Variants in TMX3 observed in about 807,000 individuals in gnomAD.
TMX3 encodes the protein thioredoxin related transmembrane protein 3.
TMX3 carries 40 observed loss-of-function variants against 64.4 expected under a neutral mutation model. The observed-to-expected ratio is 0.62, with a 90% CI of 0.48 to 0.81. TMX3 has a LOEUF of 0.81. Among genes scored for constraint, TMX3 ranks in the 30% least tolerant of loss-of-function variants. The pLI is 0.00. For missense variants in TMX3, 497 were observed against 534.5 expected (o/e 0.93, Z 0.69); for synonymous variants, 189 against 175.7 (o/e 1.08, Z -0.60).
In TMX3 at chr18:68,715,080, C is replaced by T. The variant is rs970991565; in HGVS notation, c.-99G>A. On this transcript the variant is annotated 5_prime_UTR_variant, in exon 1 of 16. Transcript: ENST00000299608. ...CCCGGAAAGGGAAACGGAGCCGACCCGGAGCGGAAGAGAAGCACCGCGCTA... is the reference window on the plus strand; with the variant it reads ...CCCGGAAAGGGAAACGGAGCCGACCTGGAGCGGAAGAGAAGCACCGCGCTA... 6.5e-7 allele frequency: 1 copy of T among 1,539,332 alleles called. No individual in the cohort carries two copies. The highest frequency in any genetic ancestry group is 1.2e-5 in the South Asian group (1 of 82,992).
intron 8 of TMX3, among the ~76,000 whole-genome samples, chr18:68,696,179 A>G (rs1915053493): frequency 6.6e-6 from 1 of 152,004 alleles, no homozygotes; most frequent in South Asian, 2.1e-4. Flanking sequence ...TATGATTATT[A>G]CTATTATCAT....
At chr18:68,686,790 T>C (rs977065002) in intron 10 of TMX3, 1 of 985,066 alleles carries the variant, frequency 1.0e-6, no homozygotes, top group African/African-American at 1.7e-5. Flanking sequence ...CACAGCTCCT[T>C]CTGTAAAGAT....
chr18:68,689,791 A>T (rs1412867972), intron 9 of TMX3: 1 of 152,222 alleles, frequency 6.6e-6, no homozygotes, highest in Non-Finnish European at 1.5e-5. Context: ...CTGAATAAGC[A>T]TATGATAAAC....
intron 4 of TMX3, among the ~76,000 whole-genome samples, chr18:68,706,732 A>AT (rs1447142259): frequency 6.6e-6 from 1 of 152,142 alleles, no homozygotes; most frequent in Non-Finnish European, 1.5e-5. Context: ...AAGTAATTCC[A>AT]TTTTTTACCT....
chr18:68,680,587 T>A (rs1913321695), intron 14 of TMX3, among the ~76,000 whole-genome samples: 1 of 152,114 alleles, frequency 6.6e-6, no homozygotes, highest in Non-Finnish European at 1.5e-5. Context: ...CCTAACGACT[T>A]AATCCAATTG....
At chr18:68,704,198 C>T (rs309254) in intron 4 of TMX3, among the ~76,000 whole-genome samples, 9,094 of 152,206 alleles carry the variant, frequency 0.06, 836 homozygotes, top group African/African-American at 0.2. Flanking sequence ...CCTTTCTACT[C>T]TTGATCCTGA....
At chr18:68,700,122 C>T (rs1012115302) in intron 6 of TMX3, among the ~76,000 whole-genome samples, 3 of 151,922 alleles carry the variant, frequency 2.0e-5, no homozygotes, top group Non-Finnish European at 2.9e-5. Flanking sequence ...TACACGTAAT[C>T]GAAATCTGGA....
intron 4 of TMX3, among the ~76,000 whole-genome samples, chr18:68,708,009 G>A (rs983146677): frequency 7.0e-6 from 1 of 142,428 alleles, no homozygotes; most frequent in East Asian, 2.0e-4. Context: ...ATATATATGT[G>A]TATATGTGTA....
intron 5 of TMX3, 116 bp from the exon 6 acceptor site, chr18:68,700,601 A>C: frequency 9.9e-7 from 1 of 1,007,744 alleles, no homozygotes; most frequent in Non-Finnish European, 1.3e-6. Context: ...AATGCAGAGA[A>C]GTTTTAGAAG....
chr18:68,679,715 T>G (rs899150207), intron 14 of TMX3, 184 bp from the exon 15 acceptor site: 6 of 536,038 alleles, frequency 1.1e-5, no homozygotes, highest in African/African-American at 2.0e-5. Context: ...GCATTCCTCC[T>G]GCCTGCTTGT....
At chr18:68,697,852 T>C (rs1915250323) in intron 7 of TMX3, 80 bp downstream of exon 7, 1 of 855,038 alleles carries the variant, frequency 1.2e-6, no homozygotes, top group Admixed American at 2.2e-5. Context: ...TAATAAGTTC[T>C]GCGTTTCTAG....
chr18:68,687,204 C>G, intron 10 of TMX3: 1 of 985,380 alleles, frequency 1.0e-6, no homozygotes, highest in South Asian at 4.7e-5. Flanking sequence ...CTTCTTACAG[C>G]TTTCATTTTT....
At chr18:68,710,818 A>T (rs971586240) in intron 3 of TMX3, among the ~76,000 whole-genome samples, 3 of 152,220 alleles carry the variant, frequency 2.0e-5, no homozygotes, top group African/African-American at 7.2e-5. Flanking sequence ...AGAAATAATT[A>T]AACAGTGATC....
intron 10 of TMX3, chr18:68,686,907 C>T (rs1398705735): frequency 1.0e-6 from 1 of 984,890 alleles, no homozygotes; most frequent in East Asian, 1.1e-4. Flanking sequence ...GTAAGAATGT[C>T]TCTAATTTTT....
At chr18:68,714,124 G>A (rs1414583289) in intron 1 of TMX3, 1 of 296,218 alleles carries the variant, frequency 3.4e-6, no homozygotes. Flanking sequence ...TTCTAGGTAA[G>A]CCAATAAATC....
At chr18:68,691,566 T>A (rs1231824504) in intron 8 of TMX3, among the ~76,000 whole-genome samples, 1 of 152,196 alleles carries the variant, frequency 6.6e-6, no homozygotes. Context: ...CCTTGTACAA[T>A]GTCCTGTTTG....
chr18:68,688,091 T>G (rs758771840), intron 9 of TMX3: 1 of 172,434 alleles, frequency 5.8e-6, no homozygotes, highest in African/African-American at 2.4e-5. Context: ...AAACTTATAA[T>G]TGAACAGATT....
Position 68,714,956 on chromosome 18 carries a change from G to T in TMX3, c.26C>A (p.Ala9Asp). MAAWKSWT[A>D]LRLCATVVVL... ...ATTACCTGTGGCGCAGAGCCGCAGGGCCGTCCAACTCTTCCACGCTGCCAT... is the reference window on the plus strand; with the variant it reads ...ATTACCTGTGGCGCAGAGCCGCAGGTCCGTCCAACTCTTCCACGCTGCCAT... Residue 9 changes from alanine to aspartate, a missense_variant, in exon 1 of 16, where the codon GCC becomes GAC. By Grantham distance (126) the Ala-to-Asp change is moderately radical. This residue lies in a region of TMX3 where 360 missense variants were observed against 383.5 expected (regional missense o/e 0.94). Coordinates refer to ENST00000299608, the MANE Select transcript of TMX3 (RefSeq NM_019022.5). 1 of 1,572,512 alleles carries T rather than the reference G, an allele frequency of 6.4e-7. No homozygotes were observed. The highest frequency in any genetic ancestry group is 8.6e-7 in the Non-Finnish European group (1 of 1,159,764).
rs766172052 is a variant in TMX3 at position 68,697,313 on chromosome 18, T to C, written c.493-10A>G. ...CATCTATGTATTTCTCCTATGAAGA[T>C]ACAAACAGAAAAAAGATCATTGAAA... On this transcript the variant is annotated splice_polypyrimidine_tract_variant and intron_variant, in intron 7 of 15. Coordinates refer to ENST00000299608, the MANE Select transcript of TMX3 (RefSeq NM_019022.5). 28 of 1,484,114 alleles carry C rather than the reference T, an allele frequency of 1.9e-5. No homozygotes were observed. Among genetic ancestry groups the C allele is most frequent in the Admixed American group, 6.5e-5 (3 of 46,316 alleles). The allele number at this position is 1,484,114 out of a possible 1,614,324, so 91.9% of individuals were successfully genotyped here.
Sources: gnomAD v4.1 joint callset for allele counts (sites outside exome capture counted in the v4.1 genomes callset) on GRCh38, gnomAD v4.1.1 for gene constraint, gnomAD v4.1.1 regional missense constraint, MANE v1.5 for transcripts, NCBI Gene and HGNC (gene_info 2026-07-23, HGNC 2026-07-21) for gene names.